ACOT1: variants seen among roughly 807,000 people sequenced by gnomAD.
ACOT1 encodes acyl-CoA thioesterase 1.
In ACOT1, 8 loss-of-function variants were observed where a neutral mutation model predicts 15.7. The observed-to-expected ratio is 0.51, with a 90% CI of 0.30 to 0.92. The LOEUF (loss-of-function observed/expected upper bound fraction) is 0.92, where lower values mean the gene tolerates loss of function less well. Ranked by LOEUF, ACOT1 falls within the 40% of genes least tolerant of loss-of-function variation. ACOT1 has a pLI of 0.06. For synonymous variants in ACOT1, 67 were observed against 241.2 expected (o/e 0.28, Z 6.69); for missense variants, 151 against 539.4 (o/e 0.28, Z 7.13).
chr14:73,495,863 C>T, the ACOT1 span, among the ~76,000 whole-genome samples: 1 of 152,066 alleles, frequency 6.6e-6, no homozygotes, highest in African/African-American at 2.4e-5. Context: ...CATGATGGCT[C>T]ATGCCTGTAA....
chr14:73,496,679 T>C, the ACOT1 span: 1,094,982 of 1,531,440 alleles, frequency 0.72, 395,340 homozygotes, highest in African/African-American at 0.9. Context: ...GGTACATTTC[T>C]CTGAAAGATA....
chr14:73,525,971 A>C, the ACOT1 span, among the ~76,000 whole-genome samples: 2 of 147,762 alleles, frequency 1.4e-5, no homozygotes, highest in South Asian at 4.3e-4. Flanking sequence ...AAAAAAAAGC[A>C]TCTTCATAAG....
At chr14:73,499,041 G>GA in the ACOT1 span, 1 of 1,589,870 alleles carries the variant, frequency 6.3e-7, no homozygotes, top group South Asian at 1.1e-5. Context: ...ATTTAAGGTT[G>GA]AAGAGTTTGG....
chr14:73,511,926 C>T, the ACOT1 span: 9 of 1,567,658 alleles, frequency 5.7e-6, no homozygotes, highest in Non-Finnish European at 7.9e-6. Flanking sequence ...CTCAGATAAG[C>T]CCTGGGTCCC....
At chr14:73,519,306 ATCCCTTGAAGGTGACCATTGC>A in the ACOT1 span, 1 of 693,104 alleles carries the variant, frequency 1.4e-6, no homozygotes, top group Middle Eastern at 2.6e-4. Flanking sequence ...ACTCTGGGGC[ATCCCTTGAAGGTGACCATTGC>A]TTAGAAATAT....
chr14:73,518,995 C>T, the ACOT1 span: 1 of 1,599,514 alleles, frequency 6.3e-7, no homozygotes, highest in African/African-American at 1.3e-5. Flanking sequence ...TTATTAACCC[C>T]TGCCTTCCCT....
chr14:73,515,617 T>C, the ACOT1 span, among the ~76,000 whole-genome samples: 1 of 132,976 alleles, frequency 7.5e-6, no homozygotes, highest in Non-Finnish European at 1.5e-5. Context: ...GAGGCGGAGG[T>C]TGTAGTGAGC....
chr14:73,520,623 T>G, the ACOT1 span: 1 of 436,896 alleles, frequency 2.3e-6, no homozygotes, highest in Non-Finnish European at 4.1e-6. Context: ...GCCTCTTTAG[T>G]AAGATAGAGG....
At chr14:73,510,010 A>T in the ACOT1 span, among the ~76,000 whole-genome samples, 1 of 150,358 alleles carries the variant, frequency 6.7e-6, no homozygotes, top group African/African-American at 2.4e-5. Context: ...AGTAGCTGGG[A>T]CTACAGGCAC....
At chr14:73,511,958 G>A in the ACOT1 span, 15 of 1,611,434 alleles carry the variant, frequency 9.3e-6, no homozygotes, top group Admixed American at 5.0e-5. Flanking sequence ...ATGTTCCATG[G>A]CTTTATGAGT....
intron 1 of ACOT1, among the ~76,000 whole-genome samples, chr14:73,538,211 C>T (rs1353356589): frequency 1.8e-5 from 2 of 114,216 alleles, no homozygotes; most frequent in Non-Finnish European, 3.8e-5. Context: ...TAGCTTCCAA[C>T]ATTCCGGAGG....
the ACOT1 span, chr14:73,523,095 G>A: frequency 1.9e-6 from 3 of 1,611,262 alleles, no homozygotes; most frequent in Admixed American, 3.3e-5. Context: ...AGTCGTGGGG[G>A]CAGTGACTGA....
At chr14:73,512,077 A>G in the ACOT1 span, 4 of 1,614,130 alleles carry the variant, frequency 2.5e-6, no homozygotes, top group Non-Finnish European at 3.4e-6. Flanking sequence ...GATAGCTTTG[A>G]TCCGAACGTC....
chr14:73,518,171 G>A, the ACOT1 span, among the ~76,000 whole-genome samples: 2 of 152,186 alleles, frequency 1.3e-5, no homozygotes, highest in Non-Finnish European at 2.9e-5. Context: ...GAATGTGCCT[G>A]TGCCTCCAAG....
the ACOT1 span, chr14:73,491,245 G>A: frequency 1.9e-6 from 3 of 1,586,270 alleles, no homozygotes; most frequent in African/African-American, 2.7e-5. Flanking sequence ...ACGACCTGGG[G>A]GACGCGCTAC....
the ACOT1 span, chr14:73,491,855 C>A: frequency 6.2e-7 from 1 of 1,610,082 alleles, no homozygotes; most frequent in Admixed American, 1.7e-5. Flanking sequence ...CCCACCCGGC[C>A]GCGCGCTGCC....
the ACOT1 span, chr14:73,492,500 G>A: frequency 6.2e-7 from 1 of 1,613,716 alleles, no homozygotes. The surrounding 1 kb of genome is among the most constrained non-coding windows in gnomAD (Gnocchi z 4.9). Flanking sequence ...TGCTCCTGTT[G>A]ATGCTGTGGC....
At chr14:73,498,095 G>A in the ACOT1 span, 1 of 1,476,752 alleles carries the variant, frequency 6.8e-7, no homozygotes, top group Admixed American at 1.9e-5. Flanking sequence ...TATTCAATGA[G>A]CAAAGATGTG....
chr14:73,491,747 A>C, the ACOT1 span: 1 of 1,557,090 alleles, frequency 6.4e-7, no homozygotes, highest in Non-Finnish European at 8.7e-7. Context: ...ACTTTTCTCT[A>C]CCGCTGACCT....
Sources: gnomAD v4.1 joint callset for allele counts (sites outside exome capture counted in the v4.1 genomes callset) on GRCh38, gnomAD v4.1.1 for gene constraint, Gnocchi (gnomAD v3.1) non-coding constraint, MANE v1.5 for transcripts, NCBI Gene and HGNC (gene_info 2026-07-23, HGNC 2026-07-21) for gene names.